Variants in GABRG3 observed in about 807,000 individuals in gnomAD.
GABRG3 encodes the protein gamma-aminobutyric acid receptor subunit gamma-3.
A neutral mutation model predicts 48.8 loss-of-function variants in GABRG3; 25 were observed. That is an observed-to-expected ratio of 0.51 (90% CI 0.37 to 0.72). The LOEUF (loss-of-function observed/expected upper bound fraction) is 0.72, where lower values mean the gene tolerates loss of function less well. GABRG3 is among the 30% of genes least tolerant of loss of function. GABRG3 has a pLI of 0.00. For synonymous variants in GABRG3, 227 were observed against 217.6 expected, an observed-to-expected ratio of 1.04 and a Z score of -0.38; for missense variants, 394 against 577.9, an observed-to-expected ratio of 0.68 and a Z score of 3.26.
At chr15:27,074,478 G>A (rs976647715) in intron 3 of GABRG3, among the ~76,000 whole-genome samples, 1 of 151,720 alleles carries the variant, frequency 6.6e-6, no homozygotes, top group Admixed American at 6.6e-5. Context: ...AAGAGTCCAA[G>A]CTTGGCTTGG....
intron 3 of GABRG3, among the ~76,000 whole-genome samples, chr15:27,220,445 G>A (rs752687465): frequency 1.3e-4 from 20 of 152,080 alleles, no homozygotes; most frequent in East Asian, 3.9e-4. Flanking sequence ...CACAGTATGC[G>A]GGGCCAGATT....
intron 3 of GABRG3, among the ~76,000 whole-genome samples, chr15:27,040,574 T>A (rs953163326): frequency 2.0e-5 from 3 of 152,240 alleles, no homozygotes; most frequent in African/African-American, 7.2e-5. Flanking sequence ...CAATTAATTT[T>A]GCCAGTGATT....
At chr15:27,074,863 T>C (rs1896885138) in intron 3 of GABRG3, among the ~76,000 whole-genome samples, 1 of 152,002 alleles carries the variant, frequency 6.6e-6, no homozygotes, top group Admixed American at 6.6e-5. Flanking sequence ...AATGTTGGGG[T>C]TGGTTTTTAA....
chr15:26,971,389 C>A lies in GABRG3; in HGVS notation c.-147C>A. On this transcript the variant is annotated 5_prime_UTR_variant, in exon 1 of 10. Coordinates refer to ENST00000615808, the MANE Select transcript of GABRG3 (RefSeq NM_033223.5). ...GTGCGCCCCGCGGGGGCGCGGCCAG[C>A]GCCAGAGTAGATACCTGTCCCGCCC... 1 of 512,146 alleles carries A rather than the reference C, an allele frequency of 2.0e-6. No homozygotes were observed. The highest frequency in any genetic ancestry group is 6.7e-5 in the South Asian group (1 of 14,904). The allele number at this position is 512,146 out of a possible 1,614,324, so 31.7% of individuals were successfully genotyped here.
chr15:27,356,290 T>C (rs1004852565), intron 5 of GABRG3, among the ~76,000 whole-genome samples: 2 of 152,168 alleles, frequency 1.3e-5, no homozygotes, highest in African/African-American at 4.8e-5. Flanking sequence ...GAGGTCTTCA[T>C]GTGTAACCAA....
chr15:27,179,677 T>C lies in GABRG3; in HGVS notation c.271-147132T>C, dbSNP rs1460070372. ...TCCTGCCGGGGGTCCATTCATCTTG[T>C]ATCTTCAGAAGTTTTGTTTGATTCT... On this transcript the variant is annotated intron_variant, in intron 3 of 9. Transcript: ENST00000615808. This position sits in a 1 kb window ranked among gnomAD's most constrained non-coding sequence, Gnocchi z 4.0. 1.3e-5 allele frequency among the ~76,000 whole-genome samples: 2 copies of C among 152,232 alleles called. No homozygotes were observed. The highest frequency in any genetic ancestry group is 3.8e-4 in the East Asian group (2 of 5,196).
chr15:27,426,653 A>C (rs2140618531), intron 5 of GABRG3, among the ~76,000 whole-genome samples: 1 of 152,192 alleles, frequency 6.6e-6, no homozygotes, highest in South Asian at 2.1e-4. Context: ...TATCTACCAA[A>C]ATAAATAAAT....
At chr15:27,113,416 T>C (rs1386669536) in intron 3 of GABRG3, among the ~76,000 whole-genome samples, 1 of 152,164 alleles carries the variant, frequency 6.6e-6, no homozygotes, top group Non-Finnish European at 1.5e-5. Context: ...ATCCAAATCA[T>C]GTCATGACAT....
chr15:27,353,496 T>A (rs1344694661), intron 5 of GABRG3, among the ~76,000 whole-genome samples: 1 of 151,754 alleles, frequency 6.6e-6, no homozygotes, highest in African/African-American at 2.4e-5. Context: ...CAGGCTGGAG[T>A]GCAATGGCAC....
chr15:27,183,030 G>A (rs1163359513), intron 3 of GABRG3, among the ~76,000 whole-genome samples: 7 of 152,114 alleles, frequency 4.6e-5, no homozygotes, highest in Admixed American at 1.3e-4. Context: ...TGATCAATTC[G>A]TTTTAGCGAG....
chr15:27,388,019 G>A (rs1238022843), intron 5 of GABRG3, among the ~76,000 whole-genome samples: 11 of 122,576 alleles, frequency 9.0e-5, no homozygotes. Flanking sequence ...AGGAAAGGGA[G>A]GAGGGAGGGA....
intron 5 of GABRG3, among the ~76,000 whole-genome samples, chr15:27,338,457 T>A (rs1390621147): frequency 6.6e-6 from 1 of 152,128 alleles, no homozygotes; most frequent in South Asian, 2.1e-4. Context: ...AGTCCCCTGA[T>A]GTGGTGGTTC....
At position 27,021,309 on chromosome 15, in the gene GABRG3, A is replaced by G. The variant is rs988177061; in HGVS notation, c.203-5445A>G. The stretch of plus-strand genomic sequence containing the variant: ...ACTGCAATTTTTACGAACCATAGTT[A>G]TGCAACATCCAGGGGTCACCTACAG... On this transcript the variant is annotated intron_variant, in intron 2 of 9. Transcript: ENST00000615808. Among the ~76,000 whole-genome samples the G allele has an allele frequency of 2.4e-4, 36 of 152,322 alleles. No homozygotes were observed. In the East Asian group the frequency reaches 2.9e-3, roughly 12 times the overall value.
intron 3 of GABRG3, among the ~76,000 whole-genome samples, chr15:27,221,383 CA>C (rs1278086165): frequency 6.6e-6 from 1 of 152,052 alleles, no homozygotes; most frequent in Non-Finnish European, 1.5e-5. Context: ...CTTTAAATCA[CA>C]AAGCATATTG....
intron 2 of GABRG3, among the ~76,000 whole-genome samples, chr15:27,009,777 C>T (rs1189114828): frequency 2.0e-5 from 3 of 152,184 alleles, no homozygotes; most frequent in African/African-American, 7.2e-5. Context: ...CAGCACAGAA[C>T]TGACCATCTC....
chr15:27,193,493 G>A lies in GABRG3; in HGVS notation c.271-133316G>A, dbSNP rs373684431. Reference sequence around the variant, plus strand: ...TCAGACTGCTGTGCTAGCAATCAGCGAGACTCCGTGGGCGTAGGACCCTCC... The same window carrying A: ...TCAGACTGCTGTGCTAGCAATCAGCAAGACTCCGTGGGCGTAGGACCCTCC... On this transcript the variant is annotated intron_variant, in intron 3 of 9. Coordinates refer to ENST00000615808, the MANE Select transcript of GABRG3 (RefSeq NM_033223.5). Among the ~76,000 whole-genome samples, 223 of 152,030 alleles carry A rather than the reference G, an allele frequency of 1.5e-3. 1 individual carries two copies. Among genetic ancestry groups the A allele is most frequent in the African/African-American group, 4.0e-3 (166 of 41,558 alleles).
intron 6 of GABRG3, among the ~76,000 whole-genome samples, chr15:27,504,373 T>G (rs1341295941): frequency 6.6e-6 from 1 of 152,142 alleles, no homozygotes; most frequent in African/African-American, 2.4e-5. Flanking sequence ...GAGATAAAAC[T>G]TTTTGACTTG....
chr15:27,231,554 C>T (rs1889801225), intron 3 of GABRG3, among the ~76,000 whole-genome samples: 1 of 152,146 alleles, frequency 6.6e-6, no homozygotes, highest in Non-Finnish European at 1.5e-5. Context: ...GGATTATCTG[C>T]TATAATTCAT....
In GABRG3 at chr15:27,103,266, ACT is replaced by A. The variant is rs1897391909; in HGVS notation, c.270+76448_270+76449del. Among the ~76,000 whole-genome samples the A allele has an allele frequency of 2.6e-5, 4 of 152,168 alleles. No individual in the cohort carries two copies. In the South Asian group the frequency reaches 6.2e-4, roughly 24 times the overall value. ...ACTGACAACCCACTCCTCAGGAATG[ACT>A]CTATTTTGTTCAGGTGTTAGTAATG... is the stretch of plus-strand genomic sequence containing the variant. On this transcript the variant is annotated intron_variant, in intron 3 of 9. Coordinates refer to ENST00000615808, the MANE Select transcript of GABRG3 (RefSeq NM_033223.5).
Sources: gnomAD v4.1 joint callset for allele counts (sites outside exome capture counted in the v4.1 genomes callset) on GRCh38, gnomAD v4.1.1 for gene constraint, Gnocchi (gnomAD v3.1) non-coding constraint, MANE v1.5 for transcripts, NCBI Gene and HGNC (gene_info 2026-07-23, HGNC 2026-07-21) for gene names.